The following MTHFD2L variants were observed in gnomAD, a reference collection of about 807,000 sequenced individuals.
MTHFD2L encodes the protein bifunctional methylenetetrahydrofolate dehydrogenase/cyclohydrolase 2, mitochondrial.
Under a neutral mutation model 34.9 loss-of-function variants are expected in MTHFD2L, and 29 were observed. That is an observed-to-expected ratio of 0.83 (90% CI 0.62 to 1.13). The LOEUF is 1.13. Ranked by LOEUF, MTHFD2L falls within the 50% of genes most tolerant of loss-of-function variation. MTHFD2L has a pLI of 0.00. For missense variants in MTHFD2L, 481 were observed against 446.5 expected (o/e 1.08, Z -0.70); for synonymous variants, 167 against 155.7 (o/e 1.07, Z -0.54).
intron 3 of MTHFD2L, among the ~76,000 whole-genome samples, chr4:74,176,155 C>T (rs1278226437): frequency 1.3e-5 from 2 of 151,982 alleles, no homozygotes; most frequent in African/African-American, 4.8e-5. Context: ...TCACTTTCCT[C>T]GTTTGTGTGA....
intron 7 of MTHFD2L, among the ~76,000 whole-genome samples, chr4:74,300,000 A>T (rs116155439): frequency 6.6e-6 from 1 of 152,130 alleles, no homozygotes; most frequent in African/African-American, 2.4e-5. Context: ...TGGAATAATG[A>T]TCCAGGTAGA....
intron 5 of MTHFD2L, among the ~76,000 whole-genome samples, chr4:74,220,039 T>C (rs920400992): frequency 6.6e-6 from 1 of 152,048 alleles, no homozygotes; most frequent in Non-Finnish European, 1.5e-5. Flanking sequence ...AAATTCTTGA[T>C]GAAATAATCA....
chr4:74,134,480 G>A (rs375381357), intron 1 of MTHFD2L, among the ~76,000 whole-genome samples: 11 of 152,048 alleles, frequency 7.2e-5, no homozygotes, highest in Admixed American at 4.6e-4. Context: ...TGGCAGTTAA[G>A]ATTCATAAGC....
chr4:74,232,841 T>G (rs1391794808), intron 6 of MTHFD2L, among the ~76,000 whole-genome samples: 1 of 152,216 alleles, frequency 6.6e-6, no homozygotes, highest in Middle Eastern at 3.2e-3. Context: ...AACAGACTTC[T>G]AATGACTCTA....
chr4:74,140,887 G>T (rs888196166), intron 1 of MTHFD2L, among the ~76,000 whole-genome samples: 2 of 152,158 alleles, frequency 1.3e-5, no homozygotes, highest in African/African-American at 4.8e-5. Context: ...TCTTTTCCTG[G>T]TTCCTCCCAC....
intron 3 of MTHFD2L, among the ~76,000 whole-genome samples, chr4:74,199,269 ATG>A (rs145565370): frequency 2.6e-5 from 4 of 151,914 alleles, no homozygotes; most frequent in Non-Finnish European, 4.4e-5. Context: ...TAGAGAAAAG[ATG>A]TGTGTGTGTG....
intron 3 of MTHFD2L, among the ~76,000 whole-genome samples, chr4:74,176,175 C>T (rs1294698403): frequency 1.3e-5 from 2 of 151,866 alleles, no homozygotes; most frequent in African/African-American, 4.8e-5. Flanking sequence ...ATGGATTCAC[C>T]CTCATTAAGT....
In MTHFD2L at chr4:74,199,958, G is replaced by T; in HGVS notation, c.604+12G>T. The T allele has an allele frequency of 1.2e-6, 2 of 1,613,692 alleles. 1 individual carries two copies. The highest frequency in any genetic ancestry group is 1.7e-6 in the Non-Finnish European group (2 of 1,179,782). On this transcript the variant is annotated intron_variant, in intron 4 of 7. Transcript: ENST00000325278. ...AATAAAAAGAACAGGTTGGTAATTT[G>T]TGGTCTGCAGGACATGGATGCTAGG...
rs1723026978 is a variant in MTHFD2L, at chr4:74,137,671, C to T, written c.-297+12154C>T. Among the ~76,000 whole-genome samples, 3 of 152,278 alleles carry T rather than the reference C, an allele frequency of 2.0e-5. No individual in the cohort carries two copies. The South Asian group carries it at 6.2e-4, about 32-fold the overall frequency. ...ATCTGCATTCCCATGTTTACTGCTG[C>T]ATTATTCACAATAGGCAAAATATAG... On this transcript the variant is annotated intron_variant, in intron 1 of 7. Transcript: ENST00000433372.
At chr4:74,193,166 C>G (rs1732868640) in intron 3 of MTHFD2L, among the ~76,000 whole-genome samples, 5 of 152,102 alleles carry the variant, frequency 3.3e-5, no homozygotes, top group Admixed American at 2.6e-4. Context: ...CCACCCCACC[C>G]CCTACAATAT....
intron 3 of MTHFD2L, chr4:74,180,995 G>A (rs1166088801): frequency 6.4e-6 from 1 of 155,946 alleles, no homozygotes; most frequent in Non-Finnish European, 1.4e-5. Flanking sequence ...TTAAATTTTT[G>A]GAGTATGTAT....
chr4:74,148,531 G>A (rs1234273071), intron 1 of MTHFD2L, among the ~76,000 whole-genome samples: 2 of 151,888 alleles, frequency 1.3e-5, no homozygotes, highest in African/African-American at 4.8e-5. Context: ...GAGACTACAG[G>A]AACATGCCAC....
chr4:74,292,847 T>A (rs1749129051), intron 7 of MTHFD2L, among the ~76,000 whole-genome samples: 1 of 151,992 alleles, frequency 6.6e-6, no homozygotes, highest in Admixed American at 6.6e-5. Context: ...ATATCTTTTT[T>A]ATTTTATTTT....
intron 6 of MTHFD2L, among the ~76,000 whole-genome samples, chr4:74,273,392 G>A (rs556111351): frequency 6.6e-6 from 1 of 152,186 alleles, no homozygotes; most frequent in South Asian, 2.1e-4. Context: ...GAAGTTTGAA[G>A]GAATCTAAAA....
At chr4:74,231,644 T>C (rs1309544116) in intron 6 of MTHFD2L, among the ~76,000 whole-genome samples, 1 of 152,170 alleles carries the variant, frequency 6.6e-6, no homozygotes, top group African/African-American at 2.4e-5. Context: ...CAGGCCTTTC[T>C]AAAGTAAGAA....
At chr4:74,177,467 T>G (rs1729267887) in intron 3 of MTHFD2L, among the ~76,000 whole-genome samples, 1 of 151,986 alleles carries the variant, frequency 6.6e-6, no homozygotes, top group Non-Finnish European at 1.5e-5. Context: ...AAGACATTTC[T>G]TAAGAGAAGA....
At chr4:74,143,997 C>A (rs1409989158) in intron 1 of MTHFD2L, among the ~76,000 whole-genome samples, 1 of 152,100 alleles carries the variant, frequency 6.6e-6, no homozygotes, top group African/African-American at 2.4e-5. Context: ...AAGAATCATT[C>A]CTGGAGAGGT....
intron 1 of MTHFD2L, among the ~76,000 whole-genome samples, chr4:74,151,491 C>T (rs1723939016): frequency 2.0e-5 from 3 of 152,186 alleles, no homozygotes; most frequent in Non-Finnish European, 4.4e-5. Flanking sequence ...TGGTTTCACA[C>T]TACCTGAGAC....
Position 74,199,938 on chromosome 4 carries a change from A to G in MTHFD2L, c.596A>G (p.Lys199Arg), listed in dbSNP as rs1351681411. 1 of 1,613,992 alleles carries G rather than the reference A, an allele frequency of 6.2e-7. No homozygotes were observed. Among genetic ancestry groups the G allele is most frequent in the Non-Finnish European group, 8.5e-7 (1 of 1,179,952 alleles). ...GCCAGTGCTGTTTGGGAAATAATAAAAAGAACAGGTTGGTAATTTGTGGTC... is the reference window on the plus strand; with the variant it reads ...GCCAGTGCTGTTTGGGAAATAATAAGAAGAACAGGTTGGTAATTTGTGGTC... ...ATASAVWEIIKRTGIQTFGKN... is the reference protein window; with the variant it reads ...ATASAVWEIIRRTGIQTFGKN... Residue 199 changes from lysine to arginine, a missense_variant, in exon 4 of 8, where the codon AAA becomes AGA. By Grantham distance (26) the Lys-to-Arg change is conservative (BLOSUM62 2). Transcript: ENST00000325278.
Sources: gnomAD v4.1 joint callset for allele counts (sites outside exome capture counted in the v4.1 genomes callset) on GRCh38, gnomAD v4.1.1 for gene constraint, MANE v1.5 for transcripts, NCBI Gene and HGNC (gene_info 2026-07-23, HGNC 2026-07-21) for gene names.